Variants in MDFIC2 observed in about 807,000 individuals in gnomAD.
MDFIC2 encodes the protein MyoD family inhibitor domain containing 2.
chr3:70,240,347 T>A (rs538104621), intron 2 of MDFIC2, among the ~76,000 whole-genome samples: 7 of 152,144 alleles, frequency 4.6e-5, no homozygotes, highest in South Asian at 2.1e-4. Context: ...TTTTTTTTTT[T>A]AATCTCTCCA....
intron 2 of MDFIC2, chr3:70,291,129 A>G (rs939026143): frequency 1.3e-5 from 2 of 152,204 alleles, no homozygotes; most frequent in African/African-American, 4.8e-5. Flanking sequence ...CATTGAAAGC[A>G]GTTTTACCAT....
At chr3:70,259,695 A>G (rs2106660269) in intron 2 of MDFIC2, among the ~76,000 whole-genome samples, 1 of 152,312 alleles carries the variant, frequency 6.6e-6, no homozygotes, top group South Asian at 2.1e-4. Flanking sequence ...TGGCTACTGT[A>G]ACAAAGTGCC....
chr3:70,276,227 A>T (rs1702024361), intron 2 of MDFIC2, among the ~76,000 whole-genome samples: 1 of 152,298 alleles, frequency 6.6e-6, no homozygotes, highest in South Asian at 2.1e-4. Flanking sequence ...TTCTTGCAAT[A>T]CAATTTTTTA....
intron 2 of MDFIC2, among the ~76,000 whole-genome samples, chr3:70,244,092 T>C (rs1260172899): frequency 6.6e-6 from 1 of 152,210 alleles, no homozygotes; most frequent in Non-Finnish European, 1.5e-5. Context: ...CTAACCTCCC[T>C]GCTCTTCGGT....
chr3:70,309,971 A>G (rs984425602), intron 2 of MDFIC2, among the ~76,000 whole-genome samples: 2 of 152,196 alleles, frequency 1.3e-5, no homozygotes, highest in Admixed American at 1.3e-4. Context: ...TTATTTCTGT[A>G]TGAGACATCT....
At chr3:70,261,156 T>C (rs1701861788) in intron 2 of MDFIC2, among the ~76,000 whole-genome samples, 1 of 152,200 alleles carries the variant, frequency 6.6e-6, no homozygotes, top group African/African-American at 2.4e-5. Flanking sequence ...TGTATTTCAG[T>C]TTGGTTCCCT....
At chr3:70,235,276 AT>A (rs551234429) in intron 2 of MDFIC2, among the ~76,000 whole-genome samples, 65 of 152,130 alleles carry the variant, frequency 4.3e-4, no homozygotes, top group Non-Finnish European at 5.4e-4. Context: ...CTCCCTCTGG[AT>A]GCATTCTTAG....
intron 2 of MDFIC2, among the ~76,000 whole-genome samples, chr3:70,219,823 C>G (rs1462944607): frequency 6.6e-6 from 1 of 152,006 alleles, no homozygotes; most frequent in Non-Finnish European, 1.5e-5. Flanking sequence ...CAAAATGATG[C>G]CAAACTCAAA....
At chr3:70,219,572 T>C (rs1040918940) in intron 2 of MDFIC2, among the ~76,000 whole-genome samples, 2 of 152,134 alleles carry the variant, frequency 1.3e-5, no homozygotes, top group African/African-American at 4.8e-5. Flanking sequence ...TGAGAAATAA[T>C]CTTAAGGATC....
intron 2 of MDFIC2, among the ~76,000 whole-genome samples, chr3:70,301,990 T>C (rs1575620544): frequency 2.6e-5 from 4 of 152,136 alleles, no homozygotes; most frequent in Middle Eastern, 3.2e-3. Context: ...GCAGGGTAGC[T>C]ATTTCATTTC....
chr3:70,261,843 G>GC (rs1475078877), intron 2 of MDFIC2, among the ~76,000 whole-genome samples: 1 of 152,136 alleles, frequency 6.6e-6, no homozygotes, highest in African/African-American at 2.4e-5. Context: ...GAACCTGAAT[G>GC]CCCGAACCCT....
At chr3:70,235,871 A>G (rs1020119043) in intron 2 of MDFIC2, among the ~76,000 whole-genome samples, 2 of 152,224 alleles carry the variant, frequency 1.3e-5, no homozygotes. Context: ...CAAAGACAAT[A>G]CATGTTCATT....
chr3:70,243,344 G>A (rs1701678758), intron 2 of MDFIC2, among the ~76,000 whole-genome samples: 1 of 152,098 alleles, frequency 6.6e-6, no homozygotes, highest in African/African-American at 2.4e-5. Context: ...AATTGGGGTT[G>A]TATTTGGCTC....
intron 2 of MDFIC2, among the ~76,000 whole-genome samples, chr3:70,278,175 T>C (rs959442878): frequency 6.6e-6 from 1 of 152,206 alleles, no homozygotes; most frequent in Non-Finnish European, 1.5e-5. Context: ...ATAAATGGGC[T>C]CATAGTGTAT....
At chr3:70,222,455 A>G (rs1030458741) in intron 2 of MDFIC2, among the ~76,000 whole-genome samples, 5 of 152,234 alleles carry the variant, frequency 3.3e-5, no homozygotes, top group Non-Finnish European at 2.9e-5. Flanking sequence ...GTTTGTGTCT[A>G]TGTGCTTACA....
intron 2 of MDFIC2, among the ~76,000 whole-genome samples, chr3:70,254,834 A>C (rs1293307633): frequency 6.6e-6 from 1 of 152,192 alleles, no homozygotes; most frequent in African/African-American, 2.4e-5. Context: ...ACATGTCTTT[A>C]TTTATGCATC....
At position 70,307,830 on chromosome 3, in the gene MDFIC2, C is replaced by T. The variant is rs185085178; in HGVS notation, c.88+4056G>A. ...ACTTAACCTACAGTCAGCACTCAAT[C>T]GGTTTTCTCACTTCATTTTGCATTA... On this transcript the variant is annotated intron_variant, in intron 2 of 3. Coordinates refer to ENST00000567252, the MANE Select transcript of MDFIC2 (RefSeq NM_001364677.1). 9.1e-4 allele frequency among the ~76,000 whole-genome samples: 139 copies of T among 152,246 alleles called. 1 individual carries two copies. In the South Asian group the frequency reaches 0.019, roughly 20 times the overall value.
chr3:70,287,916 A>G (rs374601524), intron 2 of MDFIC2, among the ~76,000 whole-genome samples: 13,028 of 151,804 alleles, frequency 0.086, 619 homozygotes, highest in South Asian at 0.13. Flanking sequence ...CCCCTTTATC[A>G]TTTTTTATTG....
In MDFIC2 at chr3:70,293,089, G is replaced by A. The variant is rs149626024; in HGVS notation, c.88+18797C>T. 5.1e-3 allele frequency among the ~76,000 whole-genome samples: 705 copies of A among 138,954 alleles called. 8 individuals carry two copies. The highest frequency in any genetic ancestry group is 0.018 in the African/African-American group (669 of 37,850). 91.2% of individuals were successfully genotyped at this position (138,954 alleles called of 152,430 possible). ...AAAAAAAAGTAGCATATTACATGAC[G>A]AGAAGAAAGAAAATTCAGTATTCAC... On this transcript the variant is annotated intron_variant, in intron 2 of 3. Transcript: ENST00000567252.
Sources: allele counts gnomAD v4.1 joint callset (sites outside exome capture counted in the v4.1 genomes callset), GRCh38; gene constraint gnomAD v4.1.1; transcripts MANE v1.5; gene names NCBI Gene and HGNC (gene_info 2026-07-23, HGNC 2026-07-21).